The following ATXN7 variants were observed in gnomAD, a reference collection of about 807,000 sequenced individuals.
ATXN7 encodes the protein ataxin-7.
In ATXN7, 12 loss-of-function variants were observed where a neutral mutation model predicts 70.5. That is an observed-to-expected ratio of 0.17 (90% confidence interval 0.11 to 0.28). ATXN7 has a LOEUF of 0.28. ATXN7 is among the 10% of genes least tolerant of loss of function. The probability of loss-of-function intolerance (pLI) is 1.00; values close to 1 mark genes in which losing one functional copy is unlikely to be tolerated. For missense variants in ATXN7, 1,256 were observed against 1,131.7 expected, an observed-to-expected ratio of 1.11 and a Z score of -1.58; for synonymous variants, 498 against 448.7, an observed-to-expected ratio of 1.11 and a Z score of -1.39.
At chr3:63,957,280 T>A (rs2075055759) in intron 5 of ATXN7, among the ~76,000 whole-genome samples, 1 of 152,238 alleles carries the variant, frequency 6.6e-6, no homozygotes, top group African/African-American at 2.4e-5. Context: ...CTGTGATTAA[T>A]TGAAACCCTA....
rs1483674404 is a variant in ATXN7, at chr3:63,952,434, T to C, written c.450T>C (p.Cys150=). 2.5e-6 allele frequency: 4 copies of C among 1,612,776 alleles called. No individual in the cohort carries two copies. Among genetic ancestry groups the C allele is most frequent in the East Asian group, 4.5e-5 (2 of 44,816 alleles). ...PAHDDFYLVV[C]NDCNQVVKPQ... is the part of the protein sequence containing the mutation. ...ATGATGATTTCTACTTGGTGGTGTG[T>C]AACGACTGTAATCAGGTTGTCAAAC... The change falls in exon 5 of 13, where the codon TGT becomes TGC. Residue 150 remains cysteine (C), a synonymous_variant. Transcript: ENST00000674280.
chr3:63,874,131 TA>T (rs1176123681), intron 1 of ATXN7, among the ~76,000 whole-genome samples: 1 of 152,242 alleles, frequency 6.6e-6, no homozygotes, highest in Non-Finnish European at 1.5e-5. Flanking sequence ...TAATCTTTCC[TA>T]AAATATGCAT....
chr3:63,950,218 A>G (rs919337440), intron 4 of ATXN7, among the ~76,000 whole-genome samples: 7 of 152,252 alleles, frequency 4.6e-5, no homozygotes, highest in African/African-American at 1.7e-4. Context: ...CATGTGACAA[A>G]TTGAATCCTT....
intron 1 of ATXN7, among the ~76,000 whole-genome samples, chr3:63,886,554 G>T (rs1342316980): frequency 6.6e-6 from 1 of 152,144 alleles, no homozygotes; most frequent in Non-Finnish European, 1.5e-5. Flanking sequence ...GTTGGTATTG[G>T]TTCATTAGCT....
At chr3:63,966,080 C>T (rs2075217358) in intron 5 of ATXN7, among the ~76,000 whole-genome samples, 1 of 152,164 alleles carries the variant, frequency 6.6e-6, no homozygotes, top group Non-Finnish European at 1.5e-5. Context: ...GATTGGCTGA[C>T]TCTCATAACG....
chr3:63,948,764 G>T (rs1256756307), intron 4 of ATXN7, among the ~76,000 whole-genome samples: 1 of 152,062 alleles, frequency 6.6e-6, no homozygotes, highest in Non-Finnish European at 1.5e-5. Context: ...GCTGGCCTGG[G>T]GTCTCCAAAG....
intron 11 of ATXN7, among the ~76,000 whole-genome samples, chr3:63,993,399 G>A (rs1302329804): frequency 3.3e-5 from 5 of 149,428 alleles, no homozygotes; most frequent in Admixed American, 6.7e-5. Context: ...GCAGTGAGCC[G>A]AGATCGCGCC....
chr3:63,968,084 C>A, intron 5 of ATXN7: 2 of 889,192 alleles, frequency 2.2e-6, no homozygotes, highest in Non-Finnish European at 3.5e-6. Context: ...TAGAACCAAG[C>A]AGATTTGGGA....
intron 1 of ATXN7, chr3:63,865,264 G>A (rs1702374887): frequency 6.6e-6 from 1 of 152,214 alleles, no homozygotes; most frequent in South Asian, 2.1e-4. Context: ...TGAGACCAGT[G>A]ACTTCAATAA....
At position 63,985,598 on chromosome 3, in the gene ATXN7, A is replaced by G. The variant is rs531966728; in HGVS notation, c.1096-2461A>G. Among the ~76,000 whole-genome samples, 9 of 152,258 alleles carry G rather than the reference A, an allele frequency of 5.9e-5. No individual in the cohort carries two copies. In the South Asian group the frequency reaches 1.9e-3, roughly 32 times the overall value. The stretch of plus-strand genomic sequence containing the variant: ...GTTGCTGCCAGGTCTCTTCTGTCTT[A>G]GACTTAGAACGTTATCTGTTCTCTT... On this transcript the variant is annotated intron_variant, in intron 8 of 12. Transcript: ENST00000674280.
intron 7 of ATXN7, among the ~76,000 whole-genome samples, 178 bp downstream of exon 7, chr3:63,982,623 AGTGTGTGTGTGTGTGT>A (rs71099784): frequency 3.5e-5 from 5 of 143,464 alleles, no homozygotes; most frequent in African/African-American, 1.3e-4. Context: ...AAAGAGCATG[AGTGTGTGTGTGTGTGT>A]GTGTGTGTGT....
chr3:63,866,021 CTG>C (rs1268226632), intron 1 of ATXN7, among the ~76,000 whole-genome samples: 1 of 145,562 alleles, frequency 6.9e-6, no homozygotes, highest in African/African-American at 2.5e-5. Context: ...TTAAAATAAT[CTG>C]TAATATTTTC....
chr3:63,931,200 A>C (rs1330241818), intron 4 of ATXN7, among the ~76,000 whole-genome samples: 4 of 152,156 alleles, frequency 2.6e-5, no homozygotes, highest in African/African-American at 9.7e-5. Flanking sequence ...CGGTGTCCCA[A>C]AGTGCTGGGA....
At chr3:63,966,216 A>C (rs898184199) in intron 5 of ATXN7, among the ~76,000 whole-genome samples, 7 of 152,112 alleles carry the variant, frequency 4.6e-5, no homozygotes, top group African/African-American at 1.7e-4. Flanking sequence ...AGTGATAGGG[A>C]AGTGAGATTT....
chr3:63,977,254 G>T (rs983207651), intron 5 of ATXN7, among the ~76,000 whole-genome samples: 1 of 152,108 alleles, frequency 6.6e-6, no homozygotes, highest in African/African-American at 2.4e-5. Context: ...TTAGTATATC[G>T]GTGGCTTTGG....
At chr3:63,939,689 G>A (rs1240178190) in intron 4 of ATXN7, among the ~76,000 whole-genome samples, 1 of 152,150 alleles carries the variant, frequency 6.6e-6, no homozygotes, top group East Asian at 1.9e-4. Context: ...TAAGTACAGA[G>A]AATTCTATAG....
intron 1 of ATXN7, among the ~76,000 whole-genome samples, chr3:63,866,417 A>G (rs901300565): frequency 7.2e-5 from 11 of 151,982 alleles, no homozygotes; most frequent in African/African-American, 2.7e-4. Context: ...TGCCTGGCTA[A>G]GTTTTTTATT....
chr3:63,993,034 G>A (rs1486579716), intron 11 of ATXN7, among the ~76,000 whole-genome samples: 1 of 152,156 alleles, frequency 6.6e-6, no homozygotes, highest in African/African-American at 2.4e-5. Flanking sequence ...GGGTTATTGT[G>A]GTAAAATTGA....
intron 4 of ATXN7, among the ~76,000 whole-genome samples, chr3:63,918,549 A>T (rs527685157): frequency 6.6e-6 from 1 of 152,082 alleles, no homozygotes; most frequent in East Asian, 1.9e-4. Context: ...TGCTTCACAA[A>T]CTCTGCCCTA....
Sources: allele counts gnomAD v4.1 joint callset (sites outside exome capture counted in the v4.1 genomes callset), GRCh38; gene constraint gnomAD v4.1.1; transcripts MANE v1.5; gene names NCBI Gene and HGNC (gene_info 2026-07-23, HGNC 2026-07-21).